PCCA: variants seen among roughly 807,000 people sequenced by gnomAD.
The protein encoded by PCCA is propionyl-CoA carboxylase subunit alpha.
A neutral mutation model predicts 101.3 loss-of-function variants in PCCA; 74 were observed. The observed-to-expected ratio is 0.73, with a 90% CI of 0.61 to 0.89. The LOEUF (loss-of-function observed/expected upper bound fraction) is 0.89, where lower values mean the gene tolerates loss of function less well. Ranked by LOEUF, PCCA falls within the 40% of genes least tolerant of loss-of-function variation. PCCA has a pLI of 0.00. For synonymous variants in PCCA, 294 were observed against 313.6 expected (o/e 0.94, Z 0.66); for missense variants, 891 against 907.0 (o/e 0.98, Z 0.23).
chr13:100,248,013 A>G (rs1015434562), intron 8 of PCCA, among the ~76,000 whole-genome samples: 1 of 151,962 alleles, frequency 6.6e-6, no homozygotes, highest in African/African-American at 2.4e-5. Flanking sequence ...AAACAAGCTT[A>G]TTTTTGTTTT....
intron 19 of PCCA, among the ~76,000 whole-genome samples, chr13:100,411,836 T>G (rs1249348951): frequency 6.6e-6 from 1 of 152,148 alleles, no homozygotes; most frequent in Non-Finnish European, 1.5e-5. Context: ...ACCACCTCAT[T>G]ACCTCCCAAA....
intron 8 of PCCA, among the ~76,000 whole-genome samples, chr13:100,245,722 A>G (rs2152538183): frequency 1.3e-5 from 2 of 152,264 alleles, no homozygotes; most frequent in Middle Eastern, 3.4e-3. Context: ...TGTCACCACC[A>G]TCTCCTAAAT....
chr13:100,426,537 C>T (rs974531544), intron 20 of PCCA, among the ~76,000 whole-genome samples: 3 of 152,158 alleles, frequency 2.0e-5, no homozygotes, highest in Non-Finnish European at 4.4e-5. Context: ...ATTAAGACTA[C>T]TTACTCCATA....
chr13:100,152,556 C>T (rs1184383164), intron 4 of PCCA, among the ~76,000 whole-genome samples: 1 of 152,100 alleles, frequency 6.6e-6, no homozygotes, highest in Non-Finnish European at 1.5e-5. Flanking sequence ...ACGCCATTCT[C>T]CTGCCTCAGC....
At chr13:100,254,722 C>T (rs1230558077) in intron 8 of PCCA, among the ~76,000 whole-genome samples, 1 of 152,012 alleles carries the variant, frequency 6.6e-6, no homozygotes, top group African/African-American at 2.4e-5. Context: ...ATCGATTTGG[C>T]ATAAGAAGTT....
intron 18 of PCCA, among the ~76,000 whole-genome samples, chr13:100,342,549 T>C (rs1422337366): frequency 2.0e-5 from 3 of 151,932 alleles, no homozygotes; most frequent in South Asian, 2.1e-4. Flanking sequence ...ATTATAGGCA[T>C]GAGCCACCGC....
intron 6 of PCCA, among the ~76,000 whole-genome samples, chr13:100,173,200 A>G (rs1248005164): frequency 6.6e-6 from 1 of 152,198 alleles, no homozygotes; most frequent in African/African-American, 2.4e-5. Context: ...GGAGGAAGAA[A>G]GAGAATAGTG....
intron 19 of PCCA, among the ~76,000 whole-genome samples, chr13:100,384,664 C>A (rs1567043828): frequency 6.6e-6 from 1 of 152,004 alleles, no homozygotes; most frequent in African/African-American, 2.4e-5. Flanking sequence ...TATATGTATT[C>A]TTTTGCCTCT....
At chr13:100,353,038 G>A (rs180741386) in intron 18 of PCCA, among the ~76,000 whole-genome samples, 71 of 152,280 alleles carry the variant, frequency 4.7e-4, no homozygotes, top group African/African-American at 1.7e-3. Flanking sequence ...CAAAATTATT[G>A]CTAGAGACAG....
intron 21 of PCCA, among the ~76,000 whole-genome samples, chr13:100,498,888 A>G (rs1020821699): frequency 6.6e-6 from 1 of 152,154 alleles, no homozygotes; most frequent in African/African-American, 2.4e-5. Flanking sequence ...TCTTGTTAGC[A>G]TGCTTGTTTA....
rs142291282 is a variant in PCCA, at chr13:100,400,208, T to G, written c.1747-25425T>G. Among the ~76,000 whole-genome samples, 163 of 152,306 alleles carry G rather than the reference T, an allele frequency of 1.1e-3. 1 individual carries two copies. Among genetic ancestry groups the G allele is most frequent in the African/African-American group, 3.5e-3 (144 of 41,556 alleles). On this transcript the variant is annotated intron_variant, in intron 19 of 23. Coordinates refer to ENST00000376285, the MANE Select transcript of PCCA (RefSeq NM_000282.4). ...AGGTTTATTAAACCATTCTTTCTGT[T>G]TCTATATATGTTTGCAATTTTCCAG... is the stretch of plus-strand genomic sequence containing the variant.
In PCCA at chr13:100,102,866, C is replaced by G. The variant is rs1207411706; in HGVS notation, c.106-17C>G. ...CATCAAGTATTTGCAATTTATTTTG[C>G]TTTCCTTTTTTTGTAGCATGTTCTG... On this transcript the variant is annotated splice_polypyrimidine_tract_variant and intron_variant, in intron 1 of 23. Coordinates refer to ENST00000376285, the MANE Select transcript of PCCA (RefSeq NM_000282.4). 1 of 1,591,716 alleles carries G rather than the reference C, an allele frequency of 6.3e-7. No individual in the cohort carries two copies. The highest frequency in any genetic ancestry group is 8.6e-7 in the Non-Finnish European group (1 of 1,159,894).
At chr13:100,096,728 T>C (rs184670864) in intron 1 of PCCA, among the ~76,000 whole-genome samples, 79 of 152,350 alleles carry the variant, frequency 5.2e-4, no homozygotes, top group African/African-American at 1.9e-3. Flanking sequence ...ATTGCTGATA[T>C]GGCGAAAGCT....
intron 16 of PCCA, among the ~76,000 whole-genome samples, chr13:100,314,774 A>C (rs946909420): frequency 6.6e-6 from 1 of 152,230 alleles, no homozygotes; most frequent in Non-Finnish European, 1.5e-5. Context: ...AGAGTTGAGC[A>C]ACTTATGTAG....
At chr13:100,415,053 A>C (rs1312126773) in intron 19 of PCCA, among the ~76,000 whole-genome samples, 1 of 152,062 alleles carries the variant, frequency 6.6e-6, no homozygotes, top group Admixed American at 6.5e-5. Context: ...TTTTAGATGT[A>C]AAATGGGAGG....
intron 22 of PCCA, among the ~76,000 whole-genome samples, chr13:100,525,037 A>G (rs1052237098): frequency 5.1e-4 from 77 of 152,252 alleles, no homozygotes; most frequent in South Asian, 1.9e-3. Context: ...AGACAGACAG[A>G]CAGGCAGATA....
chr13:100,116,485 T>C (rs923550126), intron 4 of PCCA, among the ~76,000 whole-genome samples: 1 of 152,110 alleles, frequency 6.6e-6, no homozygotes, highest in Non-Finnish European at 1.5e-5. Flanking sequence ...AATGTTGGCT[T>C]TTAGAGATGA....
intron 16 of PCCA, among the ~76,000 whole-genome samples, chr13:100,317,785 G>T (rs2067530933): frequency 1.3e-5 from 2 of 152,088 alleles, no homozygotes; most frequent in South Asian, 2.1e-4. Context: ...ATGGGATTTT[G>T]CCATGTTGCC....
At chr13:100,142,174 A>G (rs1310250888) in intron 4 of PCCA, among the ~76,000 whole-genome samples, 2 of 151,552 alleles carry the variant, frequency 1.3e-5, no homozygotes, top group Admixed American at 6.6e-5. Context: ...TGCTGTCCAG[A>G]TGTTTCTTTT....
Sources: allele counts gnomAD v4.1 joint callset (sites outside exome capture counted in the v4.1 genomes callset), GRCh38; gene constraint gnomAD v4.1.1; transcripts MANE v1.5; gene names NCBI Gene and HGNC (gene_info 2026-07-23, HGNC 2026-07-21).